The following CTNNBL1 variants were observed in gnomAD, a reference collection of about 807,000 sequenced individuals.
CTNNBL1 encodes beta-catenin-like protein 1.
In CTNNBL1, 31 loss-of-function variants were observed where a neutral mutation model predicts 72.7. That is an observed-to-expected ratio of 0.43 (90% CI 0.32 to 0.58). The LOEUF is 0.58. Among genes scored for constraint, CTNNBL1 ranks in the 20% least tolerant of loss-of-function variants. The pLI is 0.08. For synonymous variants in CTNNBL1, 240 were observed against 267.3 expected (o/e 0.90, Z 1.00); for missense variants, 534 against 725.1 (o/e 0.74, Z 3.03).
At chr20:37,749,482 TC>T (rs1291569550) in intron 4 of CTNNBL1, among the ~76,000 whole-genome samples, 1 of 151,814 alleles carries the variant, frequency 6.6e-6, no homozygotes, top group African/African-American at 2.4e-5. Flanking sequence ...AAAAAACACA[TC>T]CCCCTATAAT....
chr20:37,734,948 A>G (rs1392344568), intron 2 of CTNNBL1, among the ~76,000 whole-genome samples: 1 of 152,244 alleles, frequency 6.6e-6, no homozygotes, highest in Non-Finnish European at 1.5e-5. Context: ...GTTTTTCTCC[A>G]GAGTGGGGCA....
At position 37,721,610 on chromosome 20, in the gene CTNNBL1, T is replaced by A. The variant is rs534798368; in HGVS notation, c.31-11269T>A. ...AGAAATAAAACATTGTAAATACAGA[T>A]AAAGTCTCCTTTGCACTCTTCCCTA... On this transcript the variant is annotated intron_variant, in intron 1 of 15. Transcript: ENST00000361383. Among the ~76,000 whole-genome samples, 4 of 152,380 alleles carry A rather than the reference T, an allele frequency of 2.6e-5. No homozygotes were observed. In the East Asian group the frequency reaches 7.7e-4, roughly 29 times the overall value.
At chr20:37,836,922 A>G (rs2072259359) in intron 11 of CTNNBL1, among the ~76,000 whole-genome samples, 1 of 152,026 alleles carries the variant, frequency 6.6e-6, no homozygotes, top group Non-Finnish European at 1.5e-5. Flanking sequence ...AGATTGTCAT[A>G]TATATAATAC....
chr20:37,721,109 T>C (rs1265531934), intron 1 of CTNNBL1, among the ~76,000 whole-genome samples: 5 of 152,208 alleles, frequency 3.3e-5, no homozygotes, highest in Non-Finnish European at 5.9e-5. Context: ...AAGGCATCCG[T>C]TAATAACTGA....
chr20:37,746,093 A>AG (rs1315842360), intron 3 of CTNNBL1, among the ~76,000 whole-genome samples: 1 of 152,072 alleles, frequency 6.6e-6, no homozygotes, highest in African/African-American at 2.4e-5. Context: ...CCCTTTTTGG[A>AG]TGGGTAGTAG....
rs1183903713 is a variant in CTNNBL1, at chr20:37,782,228, A to G, written c.1031+2893A>G. ...TGAGGGATGCACACATTAAATAACTATAATATAATTTAATATGATGACGCT... is the reference window on the plus strand; with the variant it reads ...TGAGGGATGCACACATTAAATAACTGTAATATAATTTAATATGATGACGCT... On this transcript the variant is annotated intron_variant, in intron 10 of 15. Coordinates refer to ENST00000361383, the MANE Select transcript of CTNNBL1 (RefSeq NM_030877.5). 3.3e-5 allele frequency among the ~76,000 whole-genome samples: 5 copies of G among 152,304 alleles called. 1 individual carries two copies. The South Asian group carries it at 6.2e-4, about 19-fold the overall frequency.
intron 1 of CTNNBL1, among the ~76,000 whole-genome samples, chr20:37,717,540 T>C (rs1030024610): frequency 1.4e-4 from 22 of 152,198 alleles, no homozygotes; most frequent in Admixed American, 1.4e-3. Flanking sequence ...AGTGGACTGG[T>C]GTCAATGGCA....
At chr20:37,811,746 C>G (rs2072013546) in intron 11 of CTNNBL1, among the ~76,000 whole-genome samples, 1 of 152,218 alleles carries the variant, frequency 6.6e-6, no homozygotes, top group East Asian at 1.9e-4. Context: ...CTGGAAGCAA[C>G]TGTTCTCTTT....
intron 3 of CTNNBL1, among the ~76,000 whole-genome samples, chr20:37,740,711 A>AT (rs1319999029): frequency 1.3e-5 from 2 of 152,240 alleles, no homozygotes; most frequent in African/African-American, 2.4e-5. Context: ...CACACATTTC[A>AT]TTAGCCATCA....
At chr20:37,803,653 G>T (rs1054996925) in intron 11 of CTNNBL1, among the ~76,000 whole-genome samples, 1 of 152,202 alleles carries the variant, frequency 6.6e-6, no homozygotes, top group Non-Finnish European at 1.5e-5. Context: ...AATCTGGAAG[G>T]CCAGGGATTT....
intron 10 of CTNNBL1, among the ~76,000 whole-genome samples, chr20:37,798,390 T>C (rs906811126): frequency 2.0e-5 from 3 of 152,220 alleles, no homozygotes; most frequent in South Asian, 2.1e-4. Context: ...CCCAGTTTTA[T>C]AGAGGCTAGC....
intron 10 of CTNNBL1, among the ~76,000 whole-genome samples, chr20:37,795,515 C>G (rs1326023672): frequency 6.6e-6 from 1 of 152,178 alleles, no homozygotes; most frequent in Non-Finnish European, 1.5e-5. Flanking sequence ...CCACAGTTCA[C>G]TGATGATGTG....
chr20:37,849,702 G>T (rs998226111), intron 13 of CTNNBL1, among the ~76,000 whole-genome samples: 1 of 152,226 alleles, frequency 6.6e-6, no homozygotes, highest in African/African-American at 2.4e-5. Flanking sequence ...ACCACCTGGA[G>T]CCCCTCCTGT....
At chr20:37,833,165 A>G (rs929564181) in intron 11 of CTNNBL1, among the ~76,000 whole-genome samples, 3 of 152,308 alleles carry the variant, frequency 2.0e-5, no homozygotes, top group South Asian at 2.1e-4. Flanking sequence ...TTGTTTCCAT[A>G]CTCAGAACCC....
intron 7 of CTNNBL1, among the ~76,000 whole-genome samples, chr20:37,774,911 C>A (rs1299418280): frequency 6.6e-6 from 1 of 151,732 alleles, no homozygotes; most frequent in Admixed American, 6.6e-5. Flanking sequence ...TTTCTTTTTT[C>A]TTTTTTTCAT....
intron 11 of CTNNBL1, among the ~76,000 whole-genome samples, chr20:37,811,649 T>C (rs1056468082): frequency 3.9e-5 from 6 of 152,178 alleles, no homozygotes; most frequent in Non-Finnish European, 5.9e-5. Context: ...GTTCAAGTCA[T>C]ATTAAGGATT....
intron 11 of CTNNBL1, among the ~76,000 whole-genome samples, chr20:37,834,464 A>G (rs753940934): frequency 7.2e-5 from 11 of 152,186 alleles, no homozygotes; most frequent in Non-Finnish European, 1.2e-4. Context: ...GTCTTACTCC[A>G]TATGGCCTTT....
chr20:37,839,794 A>C lies in CTNNBL1; in HGVS notation c.1214-308A>C, dbSNP rs1410844246. Among the ~76,000 whole-genome samples, 3 of 152,240 alleles carry C rather than the reference A, an allele frequency of 2.0e-5. No homozygotes were observed. The East Asian group carries it at 5.8e-4, about 29-fold the overall frequency. ...AGGTTATTTCTGTAAAGGTGGGATT[A>C]GTTTGAGATTCTGTTGTGGACAATA... is the stretch of plus-strand genomic sequence containing the variant. On this transcript the variant is annotated intron_variant, in intron 11 of 15. Coordinates refer to ENST00000361383, the MANE Select transcript of CTNNBL1 (RefSeq NM_030877.5).
chr20:37,754,929 T>A (rs1463608375), intron 4 of CTNNBL1, among the ~76,000 whole-genome samples: 1 of 152,090 alleles, frequency 6.6e-6, no homozygotes, highest in Non-Finnish European at 1.5e-5. Context: ...TGCCTCAGCC[T>A]CCTGAGTAGC....
Sources: gnomAD v4.1 joint callset for allele counts (sites outside exome capture counted in the v4.1 genomes callset) on GRCh38, gnomAD v4.1.1 for gene constraint, MANE v1.5 for transcripts, NCBI Gene and HGNC (gene_info 2026-07-23, HGNC 2026-07-21) for gene names.